The following PKLR variants were observed in gnomAD, a reference collection of about 807,000 sequenced individuals.
PKLR encodes pyruvate kinase PKLR.
In PKLR, 38 loss-of-function variants were observed where a neutral mutation model predicts 53.6. The ratio of observed to expected loss-of-function variants is 0.71; its 90% CI spans 0.55 to 0.93. PKLR has a LOEUF of 0.93. Among genes scored for constraint, PKLR ranks in the 40% least tolerant of loss-of-function variants. PKLR has a pLI of 0.00. For synonymous variants in PKLR, 328 were observed against 316.2 expected (o/e 1.04, Z -0.39); for missense variants, 702 against 787.3 (o/e 0.89, Z 1.30).
Position 155,294,715 on chromosome 1 carries a change from G to T in PKLR, c.732C>A (p.Gly244=). The change falls in exon 6 of 11, where the codon GGC becomes GGA. Residue 244 remains glycine, a synonymous_variant. Transcript: ENST00000342741. ...EGLVTQVENG[G]VLGSRKGVNL... is the part of the protein sequence containing the mutation. The stretch of plus-strand genomic sequence containing the variant: ...TCACGCCCTTCCGGCTGCCCAGGAC[G>T]CCGCCGTTCTCCACTTGGGTCACCA... The T allele has an allele frequency of 6.2e-7, 1 of 1,613,716 alleles. No homozygotes were observed. The highest frequency in any genetic ancestry group is 8.5e-7 in the Non-Finnish European group (1 of 1,180,016).
At chr1:155,300,349 A>G (rs1647922219) in intron 1 of PKLR, 69 bp from the exon 2 acceptor site, 2 of 1,273,520 alleles carry the variant, frequency 1.6e-6, no homozygotes, top group African/African-American at 1.5e-5. Context: ...GTCTCTCAGC[A>G]TACCCTCTGT....
chr1:155,298,643 A>AAAAC (rs753350182), intron 2 of PKLR, among the ~76,000 whole-genome samples: 105 of 144,444 alleles, frequency 7.3e-4, no homozygotes, highest in African/African-American at 1.2e-3. Flanking sequence ...TCTTTTTTTA[A>AAAAC]AAACAAACAA....
In PKLR at chr1:155,295,061, A is replaced by G; in HGVS notation, c.694+55T>C. On this transcript the variant is annotated intron_variant, in intron 5 of 10. Transcript: ENST00000342741. This position sits in a 1 kb window ranked among gnomAD's most constrained non-coding sequence, Gnocchi z 4.3. ...CTGAGGGCTGATGGGGGAGCCAAGG[A>G]GAAGGGAATGTGCCCAGCGCACGGA... is the stretch of plus-strand genomic sequence containing the variant. 1 of 1,582,028 alleles carries G rather than the reference A, an allele frequency of 6.3e-7. No homozygotes were observed.
Position 155,293,388 on chromosome 1 carries a change from G to A in PKLR, c.1270-45C>T. The A allele has an allele frequency of 6.2e-7, 1 of 1,614,234 alleles. No homozygotes were observed. Among genetic ancestry groups the A allele is most frequent in the Non-Finnish European group, 8.5e-7 (1 of 1,180,034 alleles). On this transcript the variant is annotated intron_variant, in intron 8 of 10. Transcript: ENST00000342741. This position sits in a 1 kb window ranked among gnomAD's most constrained non-coding sequence, Gnocchi z 4.2. ...AGTCTGGGAAGGGGCACTGGGGTAT[G>A]GAAGGGATTTGGTTCCCTGGCCCAT...
intron 2 of PKLR, among the ~76,000 whole-genome samples, chr1:155,299,183 T>TCCTTCTTTCTTTCTTTCTC (rs1647838268): frequency 6.7e-6 from 1 of 148,754 alleles, no homozygotes; most frequent in Admixed American, 6.8e-5. Flanking sequence ...CTTTCTTTCT[T>TCCTTCTTTCTTTCTTTCTC]TCCTTCTTTC....
intron 1 of PKLR, chr1:155,300,936 C>A (rs372152236): frequency 6.3e-7 from 1 of 1,599,024 alleles, no homozygotes; most frequent in Non-Finnish European, 8.5e-7. Context: ...CTGCTCCACA[C>A]TGTTGGGTTG....
At chr1:155,290,721 G>T (rs536191763) in intron 10 of PKLR, 43 bp from the exon 11 acceptor site, 1 of 1,160,438 alleles carries the variant, frequency 8.6e-7, no homozygotes, top group South Asian at 1.2e-5. Flanking sequence ...AGGTGTGGTG[G>T]CTCACACCTG....
chr1:155,302,339 C>T (rs748116254), upstream of PKLR, among the ~76,000 whole-genome samples: 3 of 150,360 alleles, frequency 2.0e-5, no homozygotes, highest in Non-Finnish European at 2.9e-5. Flanking sequence ...TGGGTTCAAG[C>T]GATTATCCTG....
chr1:155,295,367 C>A lies in PKLR; in HGVS notation c.508-65G>T. ...GGAGTCCGGGACCCGCCCCTGCCCA[C>A]GCCTGGGCCCAACCCTACAGGCGCC... On this transcript the variant is annotated intron_variant, in intron 4 of 10. Transcript: ENST00000342741. The surrounding 1 kb of genome is among the most constrained non-coding windows in gnomAD (Gnocchi z 4.3). 1 of 1,612,870 alleles carries A rather than the reference C, an allele frequency of 6.2e-7. No homozygotes were observed. The highest frequency in any genetic ancestry group is 1.1e-5 in the South Asian group (1 of 91,056).
Position 155,294,512 on chromosome 1 carries a change from C to T in PKLR, c.935G>A (p.Ser312Asn). The T allele has an allele frequency of 1.2e-6, 2 of 1,614,258 alleles. No individual in the cohort carries two copies. The highest frequency in any genetic ancestry group is 1.7e-6 in the Non-Finnish European group (2 of 1,180,054). ...GPEGHGIKII[S>N]KIENHEGVKR... ...CACGCCTTCGTGGTTCTCAATTTTG[C>T]TGATGATCTTGATGCCGTGTCCTTC... Residue 312 changes from serine (S) to asparagine (N), a missense_variant, in exon 6 of 11, where the codon AGC becomes AAC. Transcript: ENST00000342741.
rs1255387874 is a variant in PKLR, at chr1:155,295,129, C to T, written c.681G>A (p.Val227=). 6.2e-7 allele frequency: 1 copy of T among 1,613,982 alleles called. No homozygotes were observed. Among genetic ancestry groups the T allele is most frequent in the Admixed American group, 1.7e-5 (1 of 60,006 alleles). Residue 227 remains valine (V), a synonymous_variant, in exon 5 of 11, where the codon GTG becomes GTA. Transcript: ENST00000342741. The surrounding 1 kb of genome is among the most constrained non-coding windows in gnomAD (Gnocchi z 4.3). ...IYIDDGLISL[V]VQKIGPEGLV... is the part of the protein sequence containing the mutation. The stretch of plus-strand genomic sequence containing the variant: ...GCGCGTCCGCACCGATTTTCTGGAC[C>T]ACTAGGGAGATGAGCCCGTCGTCAA...
rs769455262 is a variant in PKLR, at chr1:155,293,167, T to C, written c.1436+10A>G. 1 of 1,572,082 alleles carries C rather than the reference T, an allele frequency of 6.4e-7. No homozygotes were observed. The highest frequency in any genetic ancestry group is 8.7e-7 in the Non-Finnish European group (1 of 1,152,038). ...AAGCTCCATCTGGACATTCCCAATATCCCCCTCACCGGCCAGTTGTGGTCA... is the reference window on the plus strand; with the variant it reads ...AAGCTCCATCTGGACATTCCCAATACCCCCCTCACCGGCCAGTTGTGGTCA... On this transcript the variant is annotated intron_variant, in intron 9 of 10. Coordinates refer to ENST00000342741, the MANE Select transcript of PKLR (RefSeq NM_000298.6). The surrounding 1 kb of genome is among the most constrained non-coding windows in gnomAD (Gnocchi z 4.2).
intron 9 of PKLR, among the ~76,000 whole-genome samples, chr1:155,292,847 TG>T (rs8177983): frequency 1.0e-3 from 156 of 152,342 alleles, no homozygotes; most frequent in African/African-American, 3.6e-3. Context: ...GCTACATTTC[TG>T]AGTAAAGACT....
At position 155,301,378 on chromosome 1, in the gene PKLR, G is replaced by A. The variant is rs865906848; in HGVS notation, c.18C>T (p.Asn6=). The part of the protein sequence containing the change: MSIQE[N]ISSLQLRSWV... ...ATGACCGAAGCTGCAGGGATGATAT[G>A]TTCTCCTGGATCGACATGCTTTCAG... The change falls in exon 1 of 11, where the codon AAC becomes AAT. Residue 6 remains asparagine, a synonymous_variant. Coordinates refer to ENST00000342741, the MANE Select transcript of PKLR (RefSeq NM_000298.6). 1.9e-6 allele frequency: 3 copies of A among 1,614,002 alleles called. No individual in the cohort carries two copies. The highest frequency in any genetic ancestry group is 1.7e-5 in the Admixed American group (1 of 60,008).
rs757359024 is a variant in PKLR, at chr1:155,295,296, C to G, written c.514G>C (p.Glu172Gln). 9 of 1,613,924 alleles carry G rather than the reference C, an allele frequency of 5.6e-6. No homozygotes were observed. The highest frequency in any genetic ancestry group is 7.6e-6 in the Non-Finnish European group (9 of 1,179,978). The stretch of plus-strand genomic sequence containing the variant: ...CCCTTCACCAGCTCCACTTCCGACT[C>G]TGGACCCTAAGGAGGGAGCCAGAGG... ...IRTGILQGGP[E>Q]SEVELVKGSQ... The change falls in exon 5 of 11, where the codon GAG becomes CAG. Residue 172 changes from glutamate to glutamine, a missense_variant. Transcript: ENST00000342741. The surrounding 1 kb of genome is among the most constrained non-coding windows in gnomAD (Gnocchi z 4.3).
rs748871228 is a variant in PKLR, at chr1:155,293,353, C to A, written c.1270-10G>T. The A allele has an allele frequency of 4.2e-5, 68 of 1,614,116 alleles. 3 individuals carry two copies. The Middle Eastern group carries it at 0.01, about 242-fold the overall frequency. ...CTGCCTCCCGGGCAATCTGCAGGTGCCAGAATGTTAGTCTGGGAAGGGGCA... is the reference window on the plus strand; with the variant it reads ...CTGCCTCCCGGGCAATCTGCAGGTGACAGAATGTTAGTCTGGGAAGGGGCA... On this transcript the variant is annotated splice_polypyrimidine_tract_variant and intron_variant, in intron 8 of 10. Transcript: ENST00000342741. The surrounding 1 kb of genome is among the most constrained non-coding windows in gnomAD (Gnocchi z 4.2).
At position 155,294,393 on chromosome 1, in the gene PKLR, GT is replaced by G; in HGVS notation, c.966-9del. 2 of 1,614,216 alleles carry G rather than the reference GT, an allele frequency of 1.2e-6. No individual in the cohort carries two copies. The highest frequency in any genetic ancestry group is 1.7e-6 in the Non-Finnish European group (2 of 1,180,036). On this transcript the variant is annotated splice_polypyrimidine_tract_variant and intron_variant, in intron 6 of 10. Coordinates refer to ENST00000342741, the MANE Select transcript of PKLR (RefSeq NM_000298.6). The stretch of plus-strand genomic sequence containing the variant: ...TCCAGGATTTCATCAAACCTGAGAG[GT>G]TGGGAGAATCAAGGCAGAGGCAGGC...
Position 155,294,585 on chromosome 1 carries a change from C to A in PKLR, c.862G>T (p.Val288Leu). Reference protein sequence around the residue: ...HGVDIVFASFVRKASDVAAVR... With the variant: ...HGVDIVFASFLRKASDVAAVR... Reference sequence around the variant, plus strand: ...GCAGCCACGTCGCTGGCTTTCCGCACAAAGGAGGCAAAGACGATGTCCACC... The same window carrying A: ...GCAGCCACGTCGCTGGCTTTCCGCAAAAAGGAGGCAAAGACGATGTCCACC... Residue 288 changes from valine to leucine, a missense_variant, in exon 6 of 11, where the codon GTG becomes TTG. Around this residue, in one of 2 missense-constraint regions of PKLR, gnomAD observed 519 missense variants for 537.1 expected, o/e 0.97. Transcript: ENST00000342741. The A allele has an allele frequency of 6.2e-7, 1 of 1,614,230 alleles. No individual in the cohort carries two copies. Among genetic ancestry groups the A allele is most frequent in the East Asian group, 2.2e-5 (1 of 44,886 alleles).
Position 155,290,903 on chromosome 1 carries a change from C to T in PKLR, c.1619-225G>A, listed in dbSNP as rs146841893. 1.1e-4 allele frequency among the ~76,000 whole-genome samples: 17 copies of T among 151,148 alleles called. No homozygotes were observed. The East Asian group carries it at 3.1e-3, about 28-fold the overall frequency. ...ACTAGGGAGGCTGAGGCAGGAGAATCGCTTGAACTCAGGAGGTAGAGGTTG... is the reference window on the plus strand; with the variant it reads ...ACTAGGGAGGCTGAGGCAGGAGAATTGCTTGAACTCAGGAGGTAGAGGTTG... On this transcript the variant is annotated intron_variant, in intron 10 of 10. Transcript: ENST00000342741.
Sources: gnomAD v4.1 joint callset for allele counts (sites outside exome capture counted in the v4.1 genomes callset) on GRCh38, gnomAD v4.1.1 for gene constraint, gnomAD v4.1.1 regional missense constraint, Gnocchi (gnomAD v3.1) non-coding constraint, MANE v1.5 for transcripts, NCBI Gene and HGNC (gene_info 2026-07-23, HGNC 2026-07-21) for gene names.